Variants in CIMAP2 observed in about 807,000 individuals in gnomAD.
CIMAP2 encodes the protein ciliary microtubule associated protein 2.
chr1:54,812,070 T>G, the CIMAP2 span: 1 of 1,614,148 alleles, frequency 6.2e-7, no homozygotes, highest in East Asian at 2.2e-5. Context: ...ACCCGGCACC[T>G]ACTTCTTCAA....
the CIMAP2 span, among the ~76,000 whole-genome samples, chr1:54,826,148 T>G: frequency 6.6e-6 from 1 of 151,846 alleles, no homozygotes; most frequent in East Asian, 1.9e-4. Flanking sequence ...AGAGTTCAGG[T>G]AGGGTGGGCC....
chr1:54,835,182 G>A, the CIMAP2 span, among the ~76,000 whole-genome samples: 4 of 152,022 alleles, frequency 2.6e-5, no homozygotes, highest in Admixed American at 2.6e-4. Context: ...ACAAAGTGAT[G>A]GTTTGTTTGT....
the CIMAP2 span, chr1:54,806,342 G>C: frequency 9.6e-7 from 1 of 1,039,136 alleles, no homozygotes. Context: ...AGCCTGGCGG[G>C]GAGGGGAACC....
the CIMAP2 span, chr1:54,814,779 C>A: frequency 7.9e-7 from 1 of 1,271,866 alleles, no homozygotes; most frequent in Non-Finnish European, 1.1e-6. Flanking sequence ...TAGCTGGGTA[C>A]CTCCACCGTC....
chr1:54,839,241 T>C, the CIMAP2 span, among the ~76,000 whole-genome samples: 1 of 152,008 alleles, frequency 6.6e-6, no homozygotes, highest in Non-Finnish European at 1.5e-5. Flanking sequence ...GTGGGGTGTG[T>C]AGAGGGGAAT....
At chr1:54,813,972 A>G in the CIMAP2 span, 3 of 1,599,654 alleles carry the variant, frequency 1.9e-6, no homozygotes, top group South Asian at 1.1e-5. Context: ...GCCCCCGCAC[A>G]CTGGTGAGTT....
the CIMAP2 span, among the ~76,000 whole-genome samples, chr1:54,828,923 T>C: frequency 1.3e-5 from 2 of 152,268 alleles, no homozygotes; most frequent in Admixed American, 1.3e-4. Context: ...AGGGGGCAAC[T>C]GGATAAATTG....
At chr1:54,811,765 G>GCCGGGGGGGGCCCCCCCCCC in the CIMAP2 span, 8 of 1,301,318 alleles carry the variant, frequency 6.1e-6, no homozygotes, top group East Asian at 2.5e-5. Flanking sequence ...GGTTCTGACA[G>GCCGGGGGGGGCCCCCCCCCC]CCTCCATGCC....
At chr1:54,824,074 T>C in the CIMAP2 span, among the ~76,000 whole-genome samples, 1 of 152,062 alleles carries the variant, frequency 6.6e-6, no homozygotes, top group Non-Finnish European at 1.5e-5. Context: ...CAGGCTGGAG[T>C]GTAGTCATGC....
the CIMAP2 span, among the ~76,000 whole-genome samples, chr1:54,835,413 T>G: frequency 6.6e-6 from 1 of 152,054 alleles, no homozygotes; most frequent in South Asian, 2.1e-4. Flanking sequence ...GTTCTCAAAC[T>G]CCTGGCCTCA....
chr1:54,816,945 C>T, the CIMAP2 span: 1 of 1,611,788 alleles, frequency 6.2e-7, no homozygotes, highest in Non-Finnish European at 8.5e-7. Flanking sequence ...ACACAGTCTC[C>T]AAGCCAGGCT....
At chr1:54,841,085 G>A in the CIMAP2 span, among the ~76,000 whole-genome samples, 16,110 of 152,236 alleles carry the variant, frequency 0.11, 952 homozygotes, top group African/African-American at 0.13. Flanking sequence ...CCACTGGATG[G>A]TGGGAAAGAC....
chr1:54,812,694 G>A, the CIMAP2 span, among the ~76,000 whole-genome samples: 1 of 152,094 alleles, frequency 6.6e-6, no homozygotes, highest in African/African-American at 2.4e-5. Flanking sequence ...CATTTTGCTT[G>A]CTTTGTGCTC....
the CIMAP2 span, among the ~76,000 whole-genome samples, chr1:54,826,770 T>C: frequency 6.6e-6 from 1 of 152,260 alleles, no homozygotes; most frequent in African/African-American, 2.4e-5. Context: ...GAGCTGATCC[T>C]GGCCAGGCCA....
the CIMAP2 span, among the ~76,000 whole-genome samples, chr1:54,822,970 G>A: frequency 2.0e-5 from 3 of 152,178 alleles, no homozygotes; most frequent in South Asian, 6.2e-4. Flanking sequence ...AAAATTTGTT[G>A]TGACTTGTTT....
chr1:54,830,639 A>G, the CIMAP2 span, among the ~76,000 whole-genome samples: 10 of 152,338 alleles, frequency 6.6e-5, no homozygotes, highest in Non-Finnish European at 1.3e-4. This position sits in a 1 kb window ranked among gnomAD's most constrained non-coding sequence, Gnocchi z 4.1. Flanking sequence ...AATGAAGGGC[A>G]CTCATCTGGC....
the CIMAP2 span, chr1:54,811,772 T>TTCC: frequency 8.8e-6 from 4 of 454,866 alleles, no homozygotes; most frequent in Non-Finnish European, 1.7e-5. Flanking sequence ...ACAGCCTCCA[T>TTCC]GCCCCCACCC....
the CIMAP2 span, among the ~76,000 whole-genome samples, chr1:54,841,295 G>A: frequency 6.6e-6 from 1 of 152,218 alleles, no homozygotes; most frequent in African/African-American, 2.4e-5. Context: ...GACACACACA[G>A]CAAGGGGTTC....
At chr1:54,841,418 G>A in the CIMAP2 span, among the ~76,000 whole-genome samples, 6 of 152,030 alleles carry the variant, frequency 3.9e-5, no homozygotes, top group Admixed American at 3.9e-4. Flanking sequence ...TGAGGTCAGG[G>A]CTTACATTCT....
Sources: allele counts gnomAD v4.1 joint callset (sites outside exome capture counted in the v4.1 genomes callset), GRCh38; gene constraint gnomAD v4.1.1; non-coding constraint Gnocchi (gnomAD v3.1); transcripts MANE v1.5; gene names NCBI Gene and HGNC (gene_info 2026-07-23, HGNC 2026-07-21).